PPFIBP1: variants seen among roughly 807,000 people sequenced by gnomAD.
PPFIBP1 encodes the protein PPFIB scaffold protein 1.
PPFIBP1 carries 112 observed loss-of-function variants against 137.8 expected under a neutral mutation model. The ratio of observed to expected loss-of-function variants is 0.81; its 90% CI spans 0.70 to 0.95. The LOEUF (loss-of-function observed/expected upper bound fraction) is 0.95. Ranked by LOEUF, PPFIBP1 falls within the 40% of genes least tolerant of loss-of-function variation. The pLI, the probability that PPFIBP1 is intolerant of heterozygous loss-of-function variation, is 0.00. For missense variants in PPFIBP1, 1,083 were observed against 1,196.6 expected, an observed-to-expected ratio of 0.91 and a Z score of 1.40; for synonymous variants, 378 against 417.3, an observed-to-expected ratio of 0.91 and a Z score of 1.15.
intron 11 of PPFIBP1, 45 bp downstream of exon 11, chr12:27,660,990 C>A (rs1010208420): frequency 1.4e-5 from 23 of 1,600,644 alleles, no homozygotes; most frequent in Non-Finnish European, 2.0e-5. Context: ...TTTTTTAACA[C>A]CATTTTGACC....
chr12:27,585,906 G>A (rs185140164), intron 2 of PPFIBP1, among the ~76,000 whole-genome samples: 1 of 152,294 alleles, frequency 6.6e-6, no homozygotes, highest in Admixed American at 6.5e-5. Context: ...AGTGTGAGGG[G>A]CAGTGGGGGA....
chr12:27,638,255 G>A (rs748765518), intron 4 of PPFIBP1, among the ~76,000 whole-genome samples: 6 of 152,108 alleles, frequency 3.9e-5, no homozygotes, highest in Non-Finnish European at 7.3e-5. Context: ...AAAATTGATA[G>A]CATCCTAGAA....
At chr12:27,604,761 T>C (rs1399415350) in intron 2 of PPFIBP1, among the ~76,000 whole-genome samples, 2 of 152,138 alleles carry the variant, frequency 1.3e-5, no homozygotes, top group Admixed American at 1.3e-4. Context: ...TATTAGTCTG[T>C]TTTCACACTG....
rs539145302 is a variant in PPFIBP1, at chr12:27,626,192, A to C, written c.-35-7170A>C. Reference sequence around the variant, plus strand: ...GTGATGACAGATACAGAGCAGAGAAACAGAAAACAAGGAGGGTTGTATTTA... The same window carrying C: ...GTGATGACAGATACAGAGCAGAGAACCAGAAAACAAGGAGGGTTGTATTTA... On this transcript the variant is annotated intron_variant, in intron 2 of 29. Transcript: ENST00000228425. Among the ~76,000 whole-genome samples the C allele has an allele frequency of 5.9e-5, 9 of 152,292 alleles. No homozygotes were observed. In the East Asian group the frequency reaches 1.5e-3, roughly 26 times the overall value.
chr12:27,531,243 G>C (rs913014631), intron 1 of PPFIBP1, among the ~76,000 whole-genome samples: 4 of 152,014 alleles, frequency 2.6e-5, no homozygotes, highest in African/African-American at 7.3e-5. Context: ...TAAAATGGTA[G>C]CTCTGATATA....
intron 10 of PPFIBP1, among the ~76,000 whole-genome samples, chr12:27,659,967 A>AT (rs141273840): frequency 0.03 from 4,431 of 149,478 alleles, 212 homozygotes; most frequent in African/African-American, 0.1. Flanking sequence ...ATCTTCAGTA[A>AT]TTTTTTTTTT....
chr12:27,650,324 A>G (rs2058801992), intron 7 of PPFIBP1, among the ~76,000 whole-genome samples, 183 bp downstream of exon 7: 1 of 152,222 alleles, frequency 6.6e-6, no homozygotes, highest in South Asian at 2.1e-4. Flanking sequence ...TTGACTTTTT[A>G]TCACTAGATG....
At chr12:27,622,183 G>A (rs1481796612) in intron 2 of PPFIBP1, among the ~76,000 whole-genome samples, 1 of 152,140 alleles carries the variant, frequency 6.6e-6, no homozygotes, top group East Asian at 1.9e-4. Context: ...TCCCTGTGTT[G>A]CACCTTTTTA....
intron 13 of PPFIBP1, 74 bp downstream of exon 13, chr12:27,667,394 A>T: frequency 8.1e-7 from 1 of 1,240,184 alleles, no homozygotes; most frequent in Non-Finnish European, 1.1e-6. Flanking sequence ...ACTGCTCATA[A>T]CATGAAAAAC....
chr12:27,630,809 G>T (rs1331549776), intron 2 of PPFIBP1, among the ~76,000 whole-genome samples: 1 of 152,056 alleles, frequency 6.6e-6, no homozygotes, highest in Non-Finnish European at 1.5e-5. Context: ...ATACCACTTT[G>T]TATGCCTTTG....
chr12:27,691,686 A>T, intron 27 of PPFIBP1, 63 bp from the exon 28 acceptor site: 1 of 1,370,064 alleles, frequency 7.3e-7, no homozygotes, highest in South Asian at 1.4e-5. Flanking sequence ...ACATGTTATC[A>T]GGCCTTGATT....
At chr12:27,628,220 A>G (rs2346750) in intron 2 of PPFIBP1, among the ~76,000 whole-genome samples, 48,357 of 151,684 alleles carry the variant, frequency 0.32, 8,266 homozygotes, top group Middle Eastern at 0.39. Context: ...GTTCTTTATC[A>G]CCCAGGCTAG....
intron 1 of PPFIBP1, among the ~76,000 whole-genome samples, chr12:27,527,044 A>G (rs923737339): frequency 6.6e-6 from 1 of 152,160 alleles, no homozygotes; most frequent in Non-Finnish European, 1.5e-5. Context: ...CGTGAGATAA[A>G]TCAGAACAAG....
At chr12:27,683,473 C>T (rs1460535324) in intron 24 of PPFIBP1, among the ~76,000 whole-genome samples, 1 of 152,240 alleles carries the variant, frequency 6.6e-6, no homozygotes, top group Non-Finnish European at 1.5e-5. Context: ...TTTGACCTGA[C>T]ATCTTCAAGG....
intron 24 of PPFIBP1, among the ~76,000 whole-genome samples, chr12:27,686,789 C>G (rs766216025): frequency 6.6e-6 from 1 of 151,850 alleles, no homozygotes; most frequent in Non-Finnish European, 1.5e-5. Context: ...GTAATCCCAG[C>G]TTTTTGGGCG....
intron 2 of PPFIBP1, among the ~76,000 whole-genome samples, chr12:27,622,266 G>GCC (rs140736071): frequency 1.3e-5 from 2 of 151,920 alleles, no homozygotes; most frequent in Non-Finnish European, 2.9e-5. Context: ...TGGCCAGTTT[G>GCC]CCCCCCCAGA....
At chr12:27,617,658 CA>C (rs760395523) in intron 2 of PPFIBP1, among the ~76,000 whole-genome samples, 3 of 152,166 alleles carry the variant, frequency 2.0e-5, no homozygotes, top group Non-Finnish European at 4.4e-5. Flanking sequence ...ATACCTACTA[CA>C]ATGCAAATGC....
chr12:27,607,066 T>G (rs1173253411), intron 2 of PPFIBP1, among the ~76,000 whole-genome samples: 1 of 152,248 alleles, frequency 6.6e-6, no homozygotes, highest in African/African-American at 2.4e-5. Flanking sequence ...GTGATTCTTA[T>G]GCCAGCAGAC....
chr12:27,532,136 G>A (rs780861259), intron 1 of PPFIBP1, among the ~76,000 whole-genome samples: 2 of 152,174 alleles, frequency 1.3e-5, no homozygotes, highest in Non-Finnish European at 2.9e-5. Flanking sequence ...CATTAAGCAC[G>A]TGTTAAGCAA....
Sources: allele counts gnomAD v4.1 joint callset (sites outside exome capture counted in the v4.1 genomes callset), GRCh38; gene constraint gnomAD v4.1.1; transcripts MANE v1.5; gene names NCBI Gene and HGNC (gene_info 2026-07-23, HGNC 2026-07-21).